SLCO5A1: variants seen among roughly 807,000 people sequenced by gnomAD.
The protein encoded by SLCO5A1 is solute carrier organic anion transporter family member 5A1, also known as organic anion transporter polypeptide-related protein 4.
Under a neutral mutation model 65.1 loss-of-function variants are expected in SLCO5A1, and 39 were observed. That is an observed-to-expected ratio of 0.60 (90% CI 0.46 to 0.78). The LOEUF (loss-of-function observed/expected upper bound fraction) is 0.78. Among genes scored for constraint, SLCO5A1 ranks in the 30% least tolerant of loss-of-function variants. The pLI, the probability that SLCO5A1 is intolerant of heterozygous loss-of-function variation, is 0.00. For missense variants in SLCO5A1, 1,029 were observed against 1,069.4 expected, an observed-to-expected ratio of 0.96 and a Z score of 0.53; for synonymous variants, 438 against 415.7, an observed-to-expected ratio of 1.05 and a Z score of -0.65.
At chr8:69,831,717 G>GT (rs757847999) in intron 2 of SLCO5A1, 50 bp downstream of exon 2, 13 of 1,527,294 alleles carry the variant, frequency 8.5e-6, no homozygotes, top group Non-Finnish European at 1.2e-5. Flanking sequence ...TGTAAGGAAA[G>GT]TAAGTTTCAG....
At chr8:69,719,493 T>C (rs1332943968) in intron 5 of SLCO5A1, among the ~76,000 whole-genome samples, 1 of 152,120 alleles carries the variant, frequency 6.6e-6, no homozygotes, top group Non-Finnish European at 1.5e-5. Flanking sequence ...AATAATAGCA[T>C]AAGTAATAAT....
At chr8:69,697,934 C>A (rs1038133357) in intron 6 of SLCO5A1, among the ~76,000 whole-genome samples, 1 of 151,286 alleles carries the variant, frequency 6.6e-6, no homozygotes, top group African/African-American at 2.4e-5. Flanking sequence ...ATGTGTTAAG[C>A]GGGTTTGGTG....
chr8:69,744,789 A>T (rs1816952997), intron 4 of SLCO5A1, among the ~76,000 whole-genome samples: 1 of 152,228 alleles, frequency 6.6e-6, no homozygotes, highest in Non-Finnish European at 1.5e-5. Flanking sequence ...AAGAGACATA[A>T]TTTCCTCCTG....
Position 69,667,594 on chromosome 8 carries a change from G to C in SLCO5A1, c.*5275C>G, listed in dbSNP as rs1228664665. ...TTTGTTCACCCCTTTGGTTTAATGTGTCCCTGCAATTACTTTAGTTTCAAT... is the reference window on the plus strand; with the variant it reads ...TTTGTTCACCCCTTTGGTTTAATGTCTCCCTGCAATTACTTTAGTTTCAAT... On this transcript the variant is annotated 3_prime_UTR_variant, in exon 10 of 10. Coordinates refer to ENST00000260126, the MANE Select transcript of SLCO5A1 (RefSeq NM_030958.3). The C allele has an allele frequency of 6.6e-6, 1 of 151,984 alleles. No homozygotes were observed. Among genetic ancestry groups the C allele is most frequent in the African/African-American group, 2.4e-5 (1 of 41,386 alleles). 9.4% of individuals were successfully genotyped at this position (151,984 alleles called of 1,614,324 possible).
rs1421343007 is a variant in SLCO5A1 at position 69,832,984 on chromosome 8, G to A, written c.-311C>T. 2 of 378,672 alleles carry A rather than the reference G, an allele frequency of 5.3e-6. No individual in the cohort carries two copies. The highest frequency in any genetic ancestry group is 4.6e-5 in the South Asian group (1 of 21,728). The allele number at this position is 378,672 out of a possible 1,614,324, so 23.5% of individuals were successfully genotyped here. The stretch of plus-strand genomic sequence containing the variant: ...GAGGCAGGCGCCTCGCGCGTCCCGG[G>A]CTCATCCCCTCCGCCGCCGCCGCCG... On this transcript the variant is annotated 5_prime_UTR_variant, in exon 2 of 10. Transcript: ENST00000260126. The surrounding 1 kb of genome is among the most constrained non-coding windows in gnomAD (Gnocchi z 4.5).
chr8:69,775,744 T>C (rs1818527345), intron 2 of SLCO5A1, among the ~76,000 whole-genome samples: 1 of 152,170 alleles, frequency 6.6e-6, no homozygotes, highest in Non-Finnish European at 1.5e-5. Flanking sequence ...CTGGACACAG[T>C]GGCTCATGCT....
At chr8:69,833,503 A>G (rs887916802) in intron 1 of SLCO5A1, 4 of 152,286 alleles carry the variant, frequency 2.6e-5, no homozygotes, top group African/African-American at 7.2e-5. Flanking sequence ...CTTTTAATCG[A>G]GTGAACTAAC....
intron 2 of SLCO5A1, among the ~76,000 whole-genome samples, chr8:69,769,542 T>C (rs1586779813): frequency 6.6e-6 from 1 of 152,286 alleles, no homozygotes; most frequent in East Asian, 1.9e-4. Flanking sequence ...AAATATTAAG[T>C]TGGATTTTTA....
chr8:69,815,647 AACACACACACAC>A lies in SLCO5A1; in HGVS notation c.907+16108_907+16119del, dbSNP rs55665513. 6.5e-3 allele frequency among the ~76,000 whole-genome samples: 925 copies of A among 141,296 alleles called. 5 individuals are homozygous for A. Among genetic ancestry groups the A allele is most frequent in the African/African-American group, 0.019 (744 of 38,358 alleles). The allele number at this position is 141,296 out of a possible 152,430, so 92.7% of individuals were successfully genotyped here. ...ACAACTAAAAGAGAGGTAAAATATC[AACACACACACAC>A]ACACACACACACACACACACACACA... On this transcript the variant is annotated intron_variant, in intron 2 of 9. Coordinates refer to ENST00000260126, the MANE Select transcript of SLCO5A1 (RefSeq NM_030958.3).
At position 69,784,902 on chromosome 8, in the gene SLCO5A1, GA is replaced by G. The variant is rs1554620882; in HGVS notation, c.908-23028del. Among the ~76,000 whole-genome samples, 31 of 44,356 alleles carry G rather than the reference GA, an allele frequency of 7.0e-4. 1 individual carries two copies. The South Asian group carries it at 0.011, about 16-fold the overall frequency. 29.1% of individuals were successfully genotyped at this position (44,356 alleles called of 152,430 possible). A position where few individuals can be genotyped will look rare whatever the true frequency, so the allele number is the denominator to read the frequency against. ...AAGAAAGAAAGAAGAAAGGAAGAAA[GA>G]AAGAAAGAAAGAAAGAAAGAAAGAA... On this transcript the variant is annotated intron_variant, in intron 2 of 9. Transcript: ENST00000260126.
Position 69,682,874 on chromosome 8 carries a change from G to T in SLCO5A1, c.1623-531C>A, listed in dbSNP as rs187346032. ...TAAATTATCAAAGAAAGGCATTGGG[G>T]CTCTAGACAATCAAAATGAAGTATT... On this transcript the variant is annotated intron_variant, in intron 6 of 9. Transcript: ENST00000260126. Among the ~76,000 whole-genome samples, 207 of 152,240 alleles carry T rather than the reference G, an allele frequency of 1.4e-3. 1 individual carries two copies. The highest frequency in any genetic ancestry group is 0.011 in the Admixed American group (167 of 15,292).
At chr8:69,729,640 G>A (rs1476685010) in intron 5 of SLCO5A1, among the ~76,000 whole-genome samples, 1 of 151,988 alleles carries the variant, frequency 6.6e-6, no homozygotes, top group Admixed American at 6.6e-5. Flanking sequence ...TGGGGGAACT[G>A]GCCAAACAAG....
At chr8:69,819,512 C>T (rs536237632) in intron 2 of SLCO5A1, among the ~76,000 whole-genome samples, 33 of 152,316 alleles carry the variant, frequency 2.2e-4, no homozygotes, top group South Asian at 6.2e-4. Flanking sequence ...ATATTTTGGC[C>T]TCCATGTGCT....
At chr8:69,689,882 A>G (rs1244285360) in intron 6 of SLCO5A1, among the ~76,000 whole-genome samples, 1 of 152,084 alleles carries the variant, frequency 6.6e-6, no homozygotes, top group Admixed American at 6.5e-5. Context: ...GAAGAAAGTC[A>G]TTGGTAGCTT....
intron 2 of SLCO5A1, among the ~76,000 whole-genome samples, chr8:69,805,342 G>A (rs1427528184): frequency 1.3e-5 from 2 of 152,144 alleles, no homozygotes; most frequent in Non-Finnish European, 2.9e-5. Context: ...AATCCCCCAG[G>A]AGGGAGAGAG....
chr8:69,810,701 T>G (rs888434542), intron 2 of SLCO5A1, among the ~76,000 whole-genome samples: 7 of 152,228 alleles, frequency 4.6e-5, no homozygotes, highest in African/African-American at 1.7e-4. Flanking sequence ...ATAAACTCAC[T>G]GCAGTTAGAG....
chr8:69,700,318 C>T (rs1386153649), intron 6 of SLCO5A1: 1 of 152,324 alleles, frequency 6.6e-6, no homozygotes, highest in Non-Finnish European at 1.5e-5. Flanking sequence ...GTGCCCCTGC[C>T]TCCCTCACTG....
At chr8:69,743,037 T>C (rs1197883143) in intron 4 of SLCO5A1, among the ~76,000 whole-genome samples, 1 of 152,096 alleles carries the variant, frequency 6.6e-6, no homozygotes, top group Non-Finnish European at 1.5e-5. Context: ...CCTGACCTTG[T>C]GATCTGCCCG....
chr8:69,828,398 T>C (rs879574835), intron 2 of SLCO5A1, among the ~76,000 whole-genome samples: 4 of 151,936 alleles, frequency 2.6e-5, no homozygotes, highest in Non-Finnish European at 5.9e-5. Context: ...GTCAGGAGAT[T>C]GAGACCATCC....
Sources: gnomAD v4.1 joint callset for allele counts (sites outside exome capture counted in the v4.1 genomes callset) on GRCh38, gnomAD v4.1.1 for gene constraint, Gnocchi (gnomAD v3.1) non-coding constraint, MANE v1.5 for transcripts, NCBI Gene and HGNC (gene_info 2026-07-23, HGNC 2026-07-21) for gene names.